B3GALT1: variants seen among roughly 807,000 people sequenced by gnomAD.
B3GALT1 encodes the protein UDP-Gal:betaGlcNAc beta 1,3-galactosyltransferase, polypeptide 1.
In B3GALT1, 10 loss-of-function variants were observed where a neutral mutation model predicts 23.2. The observed-to-expected ratio is 0.43, with a 90% CI of 0.27 to 0.73. The LOEUF is 0.73. Ranked by LOEUF, B3GALT1 falls within the 30% of genes least tolerant of loss-of-function variation. B3GALT1 has a pLI of 0.21. For missense variants in B3GALT1, 299 were observed against 405.4 expected, an observed-to-expected ratio of 0.74 and a Z score of 2.25; for synonymous variants, 156 against 141.5, an observed-to-expected ratio of 1.10 and a Z score of -0.73.
At chr2:167,729,806 A>C (rs1456677302) in intron 3 of B3GALT1, among the ~76,000 whole-genome samples, 1 of 152,098 alleles carries the variant, frequency 6.6e-6, no homozygotes. Context: ...CATGTGAAGA[A>C]GTGAAGTGGC....
intron 3 of B3GALT1, among the ~76,000 whole-genome samples, chr2:167,677,101 A>C (rs1336604293): frequency 6.6e-6 from 1 of 152,034 alleles, no homozygotes; most frequent in Non-Finnish European, 1.5e-5. Flanking sequence ...GGTGTAGGTC[A>C]ATTAATATGA....
intron 1 of B3GALT1, among the ~76,000 whole-genome samples, chr2:167,482,177 G>A (rs1699570674): frequency 6.6e-6 from 1 of 151,970 alleles, no homozygotes; most frequent in South Asian, 2.1e-4. Flanking sequence ...ACAGTTCTTG[G>A]TTAATAAAAT....
chr2:167,760,659 A>G (rs73971250), intron 3 of B3GALT1, among the ~76,000 whole-genome samples: 1 of 152,328 alleles, frequency 6.6e-6, no homozygotes, highest in African/African-American at 2.4e-5. Flanking sequence ...TAAGAAAATT[A>G]TCTTTTGGTA....
intron 3 of B3GALT1, among the ~76,000 whole-genome samples, chr2:167,711,151 A>G (rs1055685522): frequency 3.3e-5 from 5 of 151,976 alleles, no homozygotes; most frequent in Non-Finnish European, 7.4e-5. Context: ...TGTTGCATCT[A>G]CTTGGAATGC....
chr2:167,714,240 G>C, intron 3 of B3GALT1: 1 of 1,502,222 alleles, frequency 6.7e-7, no homozygotes. Context: ...GATTGTCCTG[G>C]TGGAGGAAAC....
intron 3 of B3GALT1, among the ~76,000 whole-genome samples, chr2:167,707,346 G>A (rs773066198): frequency 2.0e-5 from 3 of 151,926 alleles, no homozygotes; most frequent in African/African-American, 4.8e-5. Flanking sequence ...ACAGATATGC[G>A]TTTGCTGCCA....
At chr2:167,561,756 G>C (rs907559975) in intron 2 of B3GALT1, among the ~76,000 whole-genome samples, 2 of 152,180 alleles carry the variant, frequency 1.3e-5, no homozygotes, top group African/African-American at 4.8e-5. Context: ...ACTAAACCAA[G>C]AAGAAGTTGA....
intron 2 of B3GALT1, among the ~76,000 whole-genome samples, chr2:167,596,633 C>G (rs1181651538): frequency 6.6e-6 from 1 of 152,096 alleles, no homozygotes; most frequent in Non-Finnish European, 1.5e-5. Context: ...ATTTCTCCGT[C>G]TCTTAAGTTT....
intron 3 of B3GALT1, among the ~76,000 whole-genome samples, chr2:167,665,886 A>G (rs1243039801): frequency 5.3e-5 from 8 of 151,332 alleles, no homozygotes; most frequent in African/African-American, 2.0e-4. Context: ...GTGGTCTATC[A>G]ATTTTGTTGA....
intron 1 of B3GALT1, among the ~76,000 whole-genome samples, chr2:167,477,497 T>A (rs1251082609): frequency 6.6e-6 from 1 of 152,208 alleles, no homozygotes; most frequent in Non-Finnish European, 1.5e-5. Context: ...AGAGGAAGGA[T>A]GATACAGTAC....
intron 2 of B3GALT1, among the ~76,000 whole-genome samples, chr2:167,513,068 CAAAAAAAAAAAA>C (rs544667836): frequency 3.4e-4 from 25 of 72,538 alleles, no homozygotes; most frequent in Non-Finnish European, 5.7e-4. Context: ...ATTCATGCCA[CAAAAAAAAAAAA>C]AAAAAAAAAA....
intron 4 of B3GALT1, among the ~76,000 whole-genome samples, chr2:167,839,138 C>T (rs1368913082): frequency 1.3e-5 from 2 of 152,200 alleles, no homozygotes; most frequent in East Asian, 1.9e-4. Context: ...TGCCCTCTCT[C>T]ACCACTCCTA....
At chr2:167,368,701 G>A (rs1324147778) in intron 1 of B3GALT1, among the ~76,000 whole-genome samples, 7 of 152,104 alleles carry the variant, frequency 4.6e-5, no homozygotes, top group African/African-American at 7.2e-5. Flanking sequence ...TATTTAAAAC[G>A]TTATATGATT....
chr2:167,651,113 C>T (rs1338761615), intron 3 of B3GALT1, among the ~76,000 whole-genome samples: 1 of 151,882 alleles, frequency 6.6e-6, no homozygotes, highest in Non-Finnish European at 1.5e-5. Context: ...AGTATTTATG[C>T]AATGAACTTT....
At chr2:167,464,527 C>T (rs1051031627) in intron 1 of B3GALT1, among the ~76,000 whole-genome samples, 35 of 152,122 alleles carry the variant, frequency 2.3e-4, no homozygotes, top group African/African-American at 8.2e-4. Flanking sequence ...GGTCAGTCGT[C>T]TGTTTAGTAG....
At chr2:167,675,490 T>C (rs1475757259) in intron 3 of B3GALT1, among the ~76,000 whole-genome samples, 3 of 152,114 alleles carry the variant, frequency 2.0e-5, no homozygotes, top group African/African-American at 7.2e-5. Flanking sequence ...AATGAAATAA[T>C]CAGACACTTG....
chr2:167,496,641 C>A (rs541973204), intron 2 of B3GALT1, among the ~76,000 whole-genome samples: 1 of 152,090 alleles, frequency 6.6e-6, no homozygotes, highest in African/African-American at 2.4e-5. Context: ...CAGGGTGTTA[C>A]GGACTGAAGT....
At chr2:167,858,082 A>G (rs920802417) in intron 4 of B3GALT1, among the ~76,000 whole-genome samples, 4 of 152,284 alleles carry the variant, frequency 2.6e-5, no homozygotes, top group Admixed American at 6.5e-5. Context: ...CTATGTAAAT[A>G]TTATTCGGAA....
intron 1 of B3GALT1, among the ~76,000 whole-genome samples, chr2:167,486,375 A>C (rs1261947488): frequency 1.3e-5 from 2 of 151,074 alleles, no homozygotes; most frequent in Non-Finnish European, 2.9e-5. Flanking sequence ...AAAAAAAGAA[A>C]AGAAAAGAAA....
Sources: gnomAD v4.1 joint callset for allele counts (sites outside exome capture counted in the v4.1 genomes callset) on GRCh38, gnomAD v4.1.1 for gene constraint, MANE v1.5 for transcripts, NCBI Gene and HGNC (gene_info 2026-07-23, HGNC 2026-07-21) for gene names.